CNOT2: variants seen among roughly 807,000 people sequenced by gnomAD.
CNOT2 encodes the protein CCR4-NOT transcription complex subunit 2.
In CNOT2, 7 loss-of-function variants were observed where a neutral mutation model predicts 72.1. That is an observed-to-expected ratio of 0.10 (90% CI 0.06 to 0.18). CNOT2 has a LOEUF of 0.18. CNOT2 is among the 10% of genes least tolerant of loss of function. The pLI, the probability that CNOT2 is intolerant of heterozygous loss-of-function variation, is 1.00. For missense variants in CNOT2, 345 were observed against 660.3 expected (o/e 0.52, Z 5.23); for synonymous variants, 196 against 225.6 (o/e 0.87, Z 1.17).
intron 2 of CNOT2, among the ~76,000 whole-genome samples, chr12:70,308,767 C>G (rs966429602): frequency 6.6e-6 from 1 of 151,938 alleles, no homozygotes; most frequent in African/African-American, 2.4e-5. Flanking sequence ...TTTTAGAATT[C>G]TAGGAGTCTA....
chr12:70,256,142 A>T (rs1958426978), intron 1 of CNOT2, among the ~76,000 whole-genome samples: 1 of 152,200 alleles, frequency 6.6e-6, no homozygotes, highest in African/African-American at 2.4e-5. Context: ...TTTATGATGA[A>T]GAAGGCTTTT....
At chr12:70,347,487 G>C (rs889548660) in intron 15 of CNOT2, 3 of 152,194 alleles carry the variant, frequency 2.0e-5, no homozygotes, top group Non-Finnish European at 4.4e-5. Context: ...AAAAAAATTA[G>C]CTGGGCCTGG....
At chr12:70,281,115 G>A (rs1218874182) in intron 2 of CNOT2, among the ~76,000 whole-genome samples, 4 of 140,712 alleles carry the variant, frequency 2.8e-5, no homozygotes, top group African/African-American at 5.4e-5. Context: ...TTTTTGAGAC[G>A]GACTCTTGCT....
chr12:70,309,400 A>G (rs901015838), intron 2 of CNOT2, among the ~76,000 whole-genome samples: 1 of 152,208 alleles, frequency 6.6e-6, no homozygotes, highest in Non-Finnish European at 1.5e-5. Flanking sequence ...GAGGAAAGAC[A>G]GTCAAATAAT....
At chr12:70,327,650 A>G (rs1397831835) in intron 4 of CNOT2, 1 of 151,806 alleles carries the variant, frequency 6.6e-6, no homozygotes, top group Non-Finnish European at 1.5e-5. Context: ...ATTCCTGAGG[A>G]AAATTTGCAG....
rs539929892 is a variant in CNOT2, at chr12:70,319,029, A to C, written c.172-269A>C. On this transcript the variant is annotated intron_variant, in intron 3 of 15. Coordinates refer to ENST00000229195, the MANE Select transcript of CNOT2 (RefSeq NM_014515.7). ...ATTTTTTTAACTTGCTAAGTGAAAG[A>C]GTAGTGCTGCTGTAACTCAAGTTAG... 1.5e-4 allele frequency: 41 copies of C among 266,558 alleles called. 1 individual carries two copies. Among genetic ancestry groups the C allele is most frequent in the Middle Eastern group, 2.3e-3 (2 of 888 alleles). The allele number at this position is 266,558 out of a possible 1,614,324, so 16.5% of individuals were successfully genotyped here. A position where few individuals can be genotyped will look rare whatever the true frequency, so the allele number is the denominator to read the frequency against.
intron 5 of CNOT2, 75 bp downstream of exon 5, chr12:70,329,645 G>C (rs1473931617): frequency 9.5e-7 from 1 of 1,053,736 alleles, no homozygotes; most frequent in African/African-American, 1.6e-5. Context: ...TTTTTAATAA[G>C]GTAATTAATT....
chr12:70,308,470 T>C (rs1017985379), intron 2 of CNOT2, among the ~76,000 whole-genome samples: 1 of 152,092 alleles, frequency 6.6e-6, no homozygotes, highest in Non-Finnish European at 1.5e-5. Context: ...GCTGAAGTCA[T>C]GTAAGAATAA....
intron 3 of CNOT2, among the ~76,000 whole-genome samples, chr12:70,313,173 T>C (rs1007031334): frequency 1.3e-5 from 2 of 152,008 alleles, no homozygotes; most frequent in African/African-American, 4.8e-5. Flanking sequence ...GTCTTTTCCA[T>C]ATAGTTATTG....
intron 1 of CNOT2, among the ~76,000 whole-genome samples, chr12:70,257,561 G>A (rs1177500589): frequency 6.6e-6 from 1 of 151,174 alleles, no homozygotes; most frequent in African/African-American, 2.4e-5. Flanking sequence ...TAGAGATGGG[G>A]TTTCACCGTG....
rs537935006 is a variant in CNOT2, at chr12:70,337,531, G to T, written c.900+18G>T. The T allele has an allele frequency of 6.2e-7, 1 of 1,606,610 alleles. No homozygotes were observed. Among genetic ancestry groups the T allele is most frequent in the African/African-American group, 1.3e-5 (1 of 74,804 alleles). Reference sequence around the variant, plus strand: ...GTAAATCTGTAAGTAACTGAGAAGTGTGTATGTGAGTGATGTAGTTTTTCC... The same window carrying T: ...GTAAATCTGTAAGTAACTGAGAAGTTTGTATGTGAGTGATGTAGTTTTTCC... On this transcript the variant is annotated intron_variant, in intron 9 of 15. Transcript: ENST00000229195.
Position 70,317,171 on chromosome 12 carries a change from T to C in CNOT2, c.172-2127T>C, listed in dbSNP as rs1192259803. ...GTATTACTATTAGGAAAACCAGATT[T>C]TAAGATATCAAGCATTATTTGGGAT... is the stretch of plus-strand genomic sequence containing the variant. On this transcript the variant is annotated intron_variant, in intron 3 of 15. Coordinates refer to ENST00000229195, the MANE Select transcript of CNOT2 (RefSeq NM_014515.7). Among the ~76,000 whole-genome samples, 4 of 152,102 alleles carry C rather than the reference T, an allele frequency of 2.6e-5. No individual in the cohort carries two copies. In the East Asian group the frequency reaches 7.7e-4, roughly 29 times the overall value.
At chr12:70,268,548 G>A (rs1413841922) in intron 1 of CNOT2, among the ~76,000 whole-genome samples, 2 of 152,120 alleles carry the variant, frequency 1.3e-5, no homozygotes, top group Admixed American at 1.3e-4. Context: ...CTGGGCTCAA[G>A]TGATCCTCCC....
intron 3 of CNOT2, among the ~76,000 whole-genome samples, chr12:70,314,932 T>G (rs543311539): frequency 4.6e-5 from 7 of 152,200 alleles, no homozygotes; most frequent in South Asian, 2.1e-4. Context: ...GGCACGATCT[T>G]GGCTCACAGC....
At chr12:70,263,682 G>T (rs1244996842) in intron 1 of CNOT2, among the ~76,000 whole-genome samples, 1 of 151,886 alleles carries the variant, frequency 6.6e-6, no homozygotes, top group African/African-American at 2.4e-5. Context: ...TGACATCTTG[G>T]CTCTTAAACA....
chr12:70,314,415 T>G (rs892943213), intron 3 of CNOT2, among the ~76,000 whole-genome samples: 1 of 151,812 alleles, frequency 6.6e-6, no homozygotes, highest in Non-Finnish European at 1.5e-5. Context: ...AGTGGGAGAA[T>G]AGTTAGTGTT....
intron 2 of CNOT2, among the ~76,000 whole-genome samples, chr12:70,282,035 C>T (rs1176106892): frequency 6.6e-6 from 1 of 151,960 alleles, no homozygotes; most frequent in South Asian, 2.1e-4. Flanking sequence ...AAACTGGGAC[C>T]GTATCTGTTT....
At chr12:70,260,838 A>G (rs1001879688) in intron 1 of CNOT2, among the ~76,000 whole-genome samples, 33 of 145,974 alleles carry the variant, frequency 2.3e-4, no homozygotes, top group African/African-American at 8.0e-4. Flanking sequence ...TTCTTTTCCA[A>G]TCCAGATGCA....
intron 1 of CNOT2, 98 bp from the exon 2 acceptor site, chr12:70,278,034 T>C: frequency 2.1e-6 from 1 of 486,280 alleles, no homozygotes; most frequent in Non-Finnish European, 3.7e-6. Context: ...AATTACTTTT[T>C]GTTTTTTGTT....
Sources: gnomAD v4.1 joint callset for allele counts (sites outside exome capture counted in the v4.1 genomes callset) on GRCh38, gnomAD v4.1.1 for gene constraint, MANE v1.5 for transcripts, NCBI Gene and HGNC (gene_info 2026-07-23, HGNC 2026-07-21) for gene names.